MYLIP: variants seen among roughly 807,000 people sequenced by gnomAD.
MYLIP encodes the protein E3 ubiquitin-protein ligase MYLIP.
MYLIP carries 26 observed loss-of-function variants against 45.8 expected under a neutral mutation model. The ratio of observed to expected loss-of-function variants is 0.57; its 90% CI spans 0.42 to 0.79. MYLIP has a LOEUF of 0.79. Among genes scored for constraint, MYLIP ranks in the 30% least tolerant of loss-of-function variants. The probability of loss-of-function intolerance (pLI) is 0.00; values close to 1 mark genes in which losing one functional copy is unlikely to be tolerated. For synonymous variants in MYLIP, 213 were observed against 218.1 expected, an observed-to-expected ratio of 0.98 and a Z score of 0.21; for missense variants, 494 against 555.6, an observed-to-expected ratio of 0.89 and a Z score of 1.11.
chr6:16,154,629 C>G, the MYLIP span, among the ~76,000 whole-genome samples: 2 of 152,184 alleles, frequency 1.3e-5, no homozygotes, highest in Admixed American at 1.3e-4. Flanking sequence ...TTACCACAGA[C>G]CATCCGAAGG....
At chr6:16,161,328 C>A in the MYLIP span, 1 of 310,782 alleles carries the variant, frequency 3.2e-6, no homozygotes. Context: ...CAGATGGGTG[C>A]CCACAATTAT....
chr6:16,142,630 C>T (rs1759696691), intron 3 of MYLIP, among the ~76,000 whole-genome samples: 2 of 152,222 alleles, frequency 1.3e-5, no homozygotes, highest in African/African-American at 2.4e-5. Context: ...AGGTTGACTC[C>T]TGTGGTTTGT....
intron 2 of MYLIP, among the ~76,000 whole-genome samples, chr6:16,135,844 A>G (rs1759546042): frequency 6.8e-6 from 1 of 147,664 alleles, no homozygotes. Flanking sequence ...CATGTACACT[A>G]TATATTCTAC....
chr6:16,156,288 G>A, the MYLIP span, among the ~76,000 whole-genome samples: 2 of 152,186 alleles, frequency 1.3e-5, no homozygotes, highest in African/African-American at 4.8e-5. Flanking sequence ...TGGCTTGAGG[G>A]TGGAGCCCTC....
chr6:16,160,364 T>C, the MYLIP span, among the ~76,000 whole-genome samples: 1 of 152,226 alleles, frequency 6.6e-6, no homozygotes, highest in Non-Finnish European at 1.5e-5. Context: ...GATTTTATTT[T>C]ATTCAGCCTC....
At chr6:16,152,237 C>T (rs142414932), downstream of MYLIP, among the ~76,000 whole-genome samples, 1 of 152,328 alleles carries the variant, frequency 6.6e-6, no homozygotes, top group Non-Finnish European at 1.5e-5. Flanking sequence ...TATGTGAAAG[C>T]TACAGTAAGG....
Position 16,129,121 on chromosome 6 carries a change from A to G in MYLIP, c.-202A>G. 6.9e-6 allele frequency: 4 copies of G among 576,242 alleles called. No individual in the cohort carries two copies. The highest frequency in any genetic ancestry group is 3.1e-5 in the Admixed American group (1 of 32,314). 35.7% of individuals were successfully genotyped at this position (576,242 alleles called of 1,614,324 possible). ...CTGGAGTGCGGCGCCACCGCGGAGG[A>G]CAGGGGCAGCTGGCGGGCAGCGGGT... On this transcript the variant is annotated 5_prime_UTR_variant, in exon 1 of 7. Coordinates refer to ENST00000356840, the MANE Select transcript of MYLIP (RefSeq NM_013262.4). This position sits in a 1 kb window ranked among gnomAD's most constrained non-coding sequence, Gnocchi z 5.1.
At chr6:16,160,733 C>T in the MYLIP span, among the ~76,000 whole-genome samples, 1 of 151,978 alleles carries the variant, frequency 6.6e-6, no homozygotes, top group South Asian at 2.1e-4. Context: ...ACCCAGGAGG[C>T]GGAGGTTGCC....
At chr6:16,151,035 G>A (rs768999751), downstream of MYLIP, among the ~76,000 whole-genome samples, 2 of 152,094 alleles carry the variant, frequency 1.3e-5, no homozygotes, top group Non-Finnish European at 2.9e-5. Context: ...CGTAGAACAG[G>A]TGTGGGGAAA....
At position 16,147,978 on chromosome 6, in the gene MYLIP, C is replaced by T. The variant is rs1759830781; in HGVS notation, c.*1227C>T. Reference sequence around the variant, plus strand: ...TACTAGCTAAGGTAAAGCTAGAAACCTACACTGTCACTTTACTGAGATTTC... The same window carrying T: ...TACTAGCTAAGGTAAAGCTAGAAACTTACACTGTCACTTTACTGAGATTTC... On this transcript the variant is annotated 3_prime_UTR_variant, in exon 7 of 7. Transcript: ENST00000356840. 1 of 152,586 alleles carries T rather than the reference C, an allele frequency of 6.6e-6. No homozygotes were observed. Among genetic ancestry groups the T allele is most frequent in the Non-Finnish European group, 1.5e-5 (1 of 68,038 alleles). 9.5% of individuals were successfully genotyped at this position (152,586 alleles called of 1,614,324 possible).
intron 2 of MYLIP, among the ~76,000 whole-genome samples, chr6:16,137,093 C>G (rs1353140475): frequency 6.6e-6 from 1 of 152,122 alleles, no homozygotes; most frequent in African/African-American, 2.4e-5. Flanking sequence ...CCTTTGCTAC[C>G]TGGAAGTCAT....
chr6:16,151,778 G>A (rs950760189), downstream of MYLIP, among the ~76,000 whole-genome samples: 10 of 152,106 alleles, frequency 6.6e-5, no homozygotes, highest in African/African-American at 7.2e-5. Flanking sequence ...CAGACCTGCC[G>A]GTTGCTTAGA....
intron 2 of MYLIP, among the ~76,000 whole-genome samples, chr6:16,138,241 A>C (rs1373726674): frequency 6.6e-6 from 1 of 152,228 alleles, no homozygotes; most frequent in Non-Finnish European, 1.5e-5. Flanking sequence ...TCTTTAGTGC[A>C]AAAGCATTCA....
rs1759775470 is a variant in MYLIP, at chr6:16,145,657, A to G, written c.1248+340A>G. 2.0e-5 allele frequency among the ~76,000 whole-genome samples: 3 copies of G among 152,228 alleles called. No homozygotes were observed. The South Asian group carries it at 6.2e-4, about 32-fold the overall frequency. On this transcript the variant is annotated intron_variant, in intron 6 of 6. Transcript: ENST00000356840. ...GCCCAGGGCTGCTTCCTCTATTTCA[A>G]GTTGCCTCCCTTTTTCTGACACTTA...
At chr6:16,151,844 A>G (rs554315787), downstream of MYLIP, among the ~76,000 whole-genome samples, 747 of 152,376 alleles carry the variant, frequency 4.9e-3, 7 homozygotes, top group African/African-American at 0.017. Context: ...AGCTTGCCAT[A>G]GTGCTAAGGG....
Position 16,130,807 on chromosome 6 carries a change from G to A in MYLIP, c.278+60G>A. ...ACCTTTGGTTCCCTTTAGAAGGGCCGCTGCACCTTCCCAGAGATACTCACA... is the reference window on the plus strand; with the variant it reads ...ACCTTTGGTTCCCTTTAGAAGGGCCACTGCACCTTCCCAGAGATACTCACA... On this transcript the variant is annotated intron_variant, in intron 2 of 6. Transcript: ENST00000356840. 2.7e-6 allele frequency: 4 copies of A among 1,492,828 alleles called. No individual in the cohort carries two copies. The South Asian group carries it at 5.0e-5, about 19-fold the overall frequency. 92.5% of individuals were successfully genotyped at this position (1,492,828 alleles called of 1,614,324 possible).
the MYLIP span, among the ~76,000 whole-genome samples, chr6:16,162,057 T>TACTA: frequency 2.0e-5 from 3 of 152,248 alleles, no homozygotes; most frequent in African/African-American, 7.2e-5. Context: ...AATTTGTAAT[T>TACTA]ACTATCCTGA....
downstream of MYLIP, among the ~76,000 whole-genome samples, chr6:16,153,162 T>A (rs1051814924): frequency 6.6e-6 from 1 of 152,236 alleles, no homozygotes; most frequent in African/African-American, 2.4e-5. Context: ...TCTGAGTTTT[T>A]AGTAAAGGTA....
At chr6:16,158,474 G>A in the MYLIP span, among the ~76,000 whole-genome samples, 4 of 152,084 alleles carry the variant, frequency 2.6e-5, no homozygotes, top group Admixed American at 6.6e-5. Flanking sequence ...AATTACCATC[G>A]ATACCAACAG....
Sources: allele counts gnomAD v4.1 joint callset (sites outside exome capture counted in the v4.1 genomes callset), GRCh38; gene constraint gnomAD v4.1.1; non-coding constraint Gnocchi (gnomAD v3.1); transcripts MANE v1.5; gene names NCBI Gene and HGNC (gene_info 2026-07-23, HGNC 2026-07-21).